The following ANKHD1 variants were observed in gnomAD, a reference collection of about 807,000 sequenced individuals.
ANKHD1 encodes ankyrin repeat and KH domain containing 1.
In ANKHD1, 31 loss-of-function variants were observed where a neutral mutation model predicts 230.5. The ratio of observed to expected loss-of-function variants is 0.13; its 90% confidence interval spans 0.10 to 0.18. ANKHD1 has a LOEUF of 0.18. ANKHD1 is among the 10% of genes least tolerant of loss of function. The pLI is 1.00. For missense variants in ANKHD1, 2,256 were observed against 3,071.3 expected (o/e 0.73, Z 6.27); for synonymous variants, 1,074 against 1,117.6 (o/e 0.96, Z 0.78).
In ANKHD1 at chr5:140,431,597, A is replaced by C. The variant is rs138303265; in HGVS notation, c.307-4507A>C. 5.3e-5 allele frequency among the ~76,000 whole-genome samples: 8 copies of C among 152,290 alleles called. No homozygotes were observed. The East Asian group carries it at 7.7e-4, about 15-fold the overall frequency. ...GGGCAGATAGTGTCTTTGTTTATTG[A>C]GGAAGAAATAGAATGTCAGAAAGGT... On this transcript the variant is annotated intron_variant, in intron 1 of 33. Transcript: ENST00000360839.
At chr5:140,534,871 TCAG>T (rs1754003389) in intron 29 of ANKHD1, among the ~76,000 whole-genome samples, 2 of 152,248 alleles carry the variant, frequency 1.3e-5, no homozygotes, top group Admixed American at 6.5e-5. Context: ...GAAATTATCC[TCAG>T]TAGTAGGCTT....
chr5:140,527,799 ATACT>A lies in ANKHD1; in HGVS notation c.5088-69_5088-66del, dbSNP rs140165751. 3.7e-3 allele frequency: 5,386 copies of A among 1,473,672 alleles called. 145 individuals carry two copies. The African/African-American group carries it at 0.059, about 16-fold the overall frequency. 91.3% of individuals were successfully genotyped at this position (1,473,672 alleles called of 1,614,324 possible). A position where few individuals can be genotyped will look rare whatever the true frequency, so the allele number is the denominator to read the frequency against. On this transcript the variant is annotated intron_variant, in intron 27 of 33. Coordinates refer to ENST00000360839, the MANE Select transcript of ANKHD1 (RefSeq NM_017747.3). The surrounding 1 kb of genome is among the most constrained non-coding windows in gnomAD (Gnocchi z 4.5). ...GTTATTCTCCAAAATGTCCATGAAC[ATACT>A]TACTAAGACATCTTTCTTAATAAAG...
At chr5:140,431,386 TCAGTATGATTCTTCCACTTTG>T (rs1418176988) in intron 1 of ANKHD1, among the ~76,000 whole-genome samples, 4 of 152,184 alleles carry the variant, frequency 2.6e-5, no homozygotes, top group East Asian at 3.8e-4. Context: ...TGTTAGATTC[TCAGTATGATTCTTCCACTTTG>T]AAAAGGTGGA....
At chr5:140,451,358 T>G (rs1774720304) in intron 7 of ANKHD1, among the ~76,000 whole-genome samples, 1 of 152,210 alleles carries the variant, frequency 6.6e-6, no homozygotes, top group Non-Finnish European at 1.5e-5. Context: ...AAATATTTTA[T>G]TTTACATGTA....
intron 1 of ANKHD1, among the ~76,000 whole-genome samples, chr5:140,405,207 A>C (rs932852154): frequency 1.3e-5 from 2 of 152,114 alleles, no homozygotes; most frequent in Non-Finnish European, 2.9e-5. Context: ...AAGGATTTAC[A>C]GGTTAAGAGT....
intron 15 of ANKHD1, among the ~76,000 whole-genome samples, chr5:140,498,465 G>A (rs572593946): frequency 1.3e-5 from 2 of 152,252 alleles, no homozygotes; most frequent in East Asian, 3.9e-4. Context: ...TATGTAATAG[G>A]TATCATTGTG....
At chr5:140,445,493 C>T (rs905248203) in intron 5 of ANKHD1, among the ~76,000 whole-genome samples, 2 of 152,018 alleles carry the variant, frequency 1.3e-5, no homozygotes, top group African/African-American at 4.8e-5. Context: ...AACAGAATGA[C>T]ACTCTGTCTC....
chr5:140,477,655 A>G (rs373410096), intron 10 of ANKHD1, among the ~76,000 whole-genome samples: 1 of 152,220 alleles, frequency 6.6e-6, no homozygotes, highest in Non-Finnish European at 1.5e-5. Flanking sequence ...CTCTGTCACC[A>G]GGCTGGAGTG....
chr5:140,485,784 A>T lies in ANKHD1; in HGVS notation c.2142+52A>T, dbSNP rs2127018704. On this transcript the variant is annotated intron_variant, in intron 13 of 33. Transcript: ENST00000360839. The surrounding 1 kb of genome is among the most constrained non-coding windows in gnomAD (Gnocchi z 4.8). ...AATATAAATATTCTTCAACATGATT[A>T]GAAGTTTTTGTTTAAAATCAGTTTT... 1.3e-6 allele frequency: 2 copies of T among 1,593,514 alleles called. No homozygotes were observed. Among genetic ancestry groups the T allele is most frequent in the South Asian group, 2.3e-5 (2 of 85,852 alleles).
Position 140,505,861 on chromosome 5 carries a change from C to T in ANKHD1, c.3400C>T (p.Arg1134Cys), listed in dbSNP as rs1018081322. ...TPLSLACSGG[R>C]QEVVDLLLAR... ...GCTTTCATTGGCATGTTCTGGTGGA[C>T]GTCAGGAGGTGTGTTAATGTTAATT... The change falls in exon 18 of 34, where the codon CGT becomes TGT. Residue 1134 changes from arginine to cysteine, a missense_variant. This residue lies in a region of ANKHD1 where 63 missense variants were observed against 125.5 expected (regional missense o/e 0.50). Transcript: ENST00000360839. The T allele has an allele frequency of 1.3e-6, 2 of 1,580,976 alleles. No homozygotes were observed. Among genetic ancestry groups the T allele is most frequent in the Non-Finnish European group, 1.7e-6 (2 of 1,170,202 alleles).
At chr5:140,458,522 T>G in intron 7 of ANKHD1, 103 bp from the exon 8 acceptor site, 1 of 1,249,384 alleles carries the variant, frequency 8.0e-7, no homozygotes, top group Non-Finnish European at 1.1e-6. Flanking sequence ...AATCTTGTCT[T>G]TTTTCTTCCT....
chr5:140,480,305 T>G (rs914070935), intron 10 of ANKHD1, among the ~76,000 whole-genome samples: 14 of 152,072 alleles, frequency 9.2e-5, no homozygotes, highest in Non-Finnish European at 2.1e-4. Context: ...TGAAATGACT[T>G]GGTGTGAGGA....
chr5:140,517,443 A>T (rs1753078884), intron 24 of ANKHD1, among the ~76,000 whole-genome samples: 1 of 151,374 alleles, frequency 6.6e-6, no homozygotes, highest in Admixed American at 6.6e-5. Flanking sequence ...AGCGGACCTA[A>T]TAGACATCTA....
chr5:140,403,501 T>C (rs1284640710), intron 1 of ANKHD1, among the ~76,000 whole-genome samples: 2 of 151,934 alleles, frequency 1.3e-5, no homozygotes, highest in African/African-American at 4.8e-5. Context: ...AACCTCCGCC[T>C]CCTGGGTTCA....
intron 7 of ANKHD1, among the ~76,000 whole-genome samples, chr5:140,451,080 A>G (rs898997881): frequency 6.6e-6 from 1 of 152,118 alleles, no homozygotes; most frequent in African/African-American, 2.4e-5. Context: ...TGAACCTGGG[A>G]GGTGGAGGTT....
At chr5:140,439,498 C>T (rs898779675) in intron 3 of ANKHD1, among the ~76,000 whole-genome samples, 1 of 152,024 alleles carries the variant, frequency 6.6e-6, no homozygotes, top group Non-Finnish European at 1.5e-5. Context: ...GGTGAAAACG[C>T]ATCTCTCCTA....
chr5:140,422,667 G>A (rs1772082669), intron 1 of ANKHD1, among the ~76,000 whole-genome samples: 1 of 151,080 alleles, frequency 6.6e-6, no homozygotes, highest in Non-Finnish European at 1.5e-5. Context: ...AAATTTAGCA[G>A]GGTGTAGTGG....
In ANKHD1 at chr5:140,535,353, T is replaced by C; in HGVS notation, c.6851-9T>C. 6.3e-7 allele frequency: 1 copy of C among 1,576,442 alleles called. No homozygotes were observed. The highest frequency in any genetic ancestry group is 8.6e-7 in the Non-Finnish European group (1 of 1,165,998). ...GCTAATTGGATGTCTTGGACCTGTT[T>C]TATTTCAGGGTTACCATCCATTGAC... On this transcript the variant is annotated splice_polypyrimidine_tract_variant and intron_variant, in intron 29 of 33. Transcript: ENST00000360839.
chr5:140,411,859 C>T (rs1197476020), intron 1 of ANKHD1, among the ~76,000 whole-genome samples: 4 of 150,202 alleles, frequency 2.7e-5, no homozygotes, highest in East Asian at 2.0e-4. Flanking sequence ...GACAGGGTCC[C>T]GTTATGTCAC....
Sources: allele counts gnomAD v4.1 joint callset (sites outside exome capture counted in the v4.1 genomes callset), GRCh38; gene constraint gnomAD v4.1.1; regional missense constraint gnomAD v4.1.1; non-coding constraint Gnocchi (gnomAD v3.1); transcripts MANE v1.5; gene names NCBI Gene and HGNC (gene_info 2026-07-23, HGNC 2026-07-21).